The following TMEM204 variants were observed in gnomAD, a reference collection of about 807,000 sequenced individuals.
TMEM204 encodes the protein transmembrane protein 204, also known as claudin-like protein 24.
In TMEM204, 15 loss-of-function variants were observed where a neutral mutation model predicts 19.4. The observed-to-expected ratio is 0.77, with a 90% CI of 0.52 to 1.19. The LOEUF (loss-of-function observed/expected upper bound fraction) is 1.19. Among genes scored for constraint, TMEM204 ranks in the 50% most tolerant of loss-of-function variants. The probability of loss-of-function intolerance (pLI) is 0.00; values close to 1 mark genes in which losing one functional copy is unlikely to be tolerated. For synonymous variants in TMEM204, 161 were observed against 146.0 expected, an observed-to-expected ratio of 1.10 and a Z score of -0.74; for missense variants, 287 against 321.2, an observed-to-expected ratio of 0.89 and a Z score of 0.81.
At chr16:1,539,623 ACT>A (rs2031431524) in intron 1 of TMEM204, among the ~76,000 whole-genome samples, 1 of 152,142 alleles carries the variant, frequency 6.6e-6, no homozygotes, top group East Asian at 1.9e-4. Flanking sequence ...ATGGTTTCTA[ACT>A]CTGCAGTTAC....
intron 2 of TMEM204, among the ~76,000 whole-genome samples, chr16:1,552,648 C>G (rs1596351577): frequency 7.8e-6 from 1 of 127,586 alleles, no homozygotes; most frequent in Non-Finnish European, 1.6e-5. Context: ...AAAGAGAATG[C>G]TTTTTTTTTT....
Position 1,541,954 on chromosome 16 carries a change from T to C in TMEM204, c.314T>C (p.Val105Ala). The change falls in exon 2 of 3, where the codon GTG (valine) becomes GCG (alanine). Residue 105 changes from valine (V) to alanine (A), a missense_variant. Transcript: ENST00000566264. ...GACATGATGCGCGCCTGCAACCTGG[T>C]GGCCACGGCCGCGCTCACCGCAGGC... is the stretch of plus-strand genomic sequence containing the variant. ...QFDMMRACNL[V>A]ATAALTAGQL... The C allele has an allele frequency of 6.2e-7, 1 of 1,608,850 alleles. No individual in the cohort carries two copies. Among genetic ancestry groups the C allele is most frequent in the Non-Finnish European group, 8.5e-7 (1 of 1,178,568 alleles).
chr16:1,541,518 G>A, intron 1 of TMEM204: 1 of 985,164 alleles, frequency 1.0e-6, no homozygotes, highest in Non-Finnish European at 1.2e-6. Context: ...CGTCTTGGAT[G>A]CTGTGAATTC....
chr16:1,537,340 G>A (rs1296200364), intron 1 of TMEM204, among the ~76,000 whole-genome samples: 2 of 152,238 alleles, frequency 1.3e-5, no homozygotes, highest in Admixed American at 6.5e-5. Flanking sequence ...TGTGCCCTGA[G>A]GCCCTGCCCC....
chr16:1,536,760 T>C (rs1199443064), intron 1 of TMEM204, among the ~76,000 whole-genome samples: 2 of 152,162 alleles, frequency 1.3e-5, no homozygotes, highest in Non-Finnish European at 2.9e-5. Context: ...CGCCTTCTCC[T>C]TCACCGACGT....
At chr16:1,539,072 A>G (rs1697114294) in intron 1 of TMEM204, among the ~76,000 whole-genome samples, 2 of 149,890 alleles carry the variant, frequency 1.3e-5, no homozygotes, top group Admixed American at 1.3e-4. Flanking sequence ...AGGCCTCAGC[A>G]AGCTGCACAG....
rs1464344264 is a variant in TMEM204, at chr16:1,551,802, G to A, written c.437-2980G>A. On this transcript the variant is annotated intron_variant, in intron 2 of 2. Coordinates refer to ENST00000566264, the MANE Select transcript of TMEM204 (RefSeq NM_024600.6). The surrounding 1 kb of genome is among the most constrained non-coding windows in gnomAD (Gnocchi z 4.0). ...GCAGATCCGGCAAGATCAACTCTGCGGGACCTCCCACCCGGGCTGGTTGCC... is the reference window on the plus strand; with the variant it reads ...GCAGATCCGGCAAGATCAACTCTGCAGGACCTCCCACCCGGGCTGGTTGCC... 6.6e-6 allele frequency among the ~76,000 whole-genome samples: 1 copy of A among 152,156 alleles called. No homozygotes were observed. The highest frequency in any genetic ancestry group is 1.5e-5 in the Non-Finnish European group (1 of 68,036).
intron 1 of TMEM204, chr16:1,541,166 G>C (rs537497349): frequency 4.1e-6 from 4 of 985,444 alleles, no homozygotes; most frequent in Admixed American, 1.2e-4. Context: ...ACCAGGTGTA[G>C]GTGGGGGACA....
At chr16:1,545,599 C>T (rs56342298) in intron 2 of TMEM204, among the ~76,000 whole-genome samples, 11,678 of 152,168 alleles carry the variant, frequency 0.077, 536 homozygotes, top group African/African-American at 0.12. Context: ...GACAAGGAAA[C>T]GCCTGCTATT....
chr16:1,551,844 T>A lies in TMEM204; in HGVS notation c.437-2938T>A, dbSNP rs947111464. Among the ~76,000 whole-genome samples the A allele has an allele frequency of 5.3e-5, 8 of 151,826 alleles. No individual in the cohort carries two copies. The highest frequency in any genetic ancestry group is 1.9e-4 in the African/African-American group (8 of 41,332). On this transcript the variant is annotated intron_variant, in intron 2 of 2. Coordinates refer to ENST00000566264, the MANE Select transcript of TMEM204 (RefSeq NM_024600.6). The surrounding 1 kb of genome is among the most constrained non-coding windows in gnomAD (Gnocchi z 4.0). ...CTGGTTGCCCTGTGTTGCCTTAGAG[T>A]TTTCTTCCCGAGGTTTTCCTAGAAA...
chr16:1,542,050 C>A lies in TMEM204; in HGVS notation c.410C>A (p.Ala137Asp). Residue 137 changes from alanine to aspartate, a missense_variant, in exon 2 of 3, where the codon GCC becomes GAC. Physicochemically the swap from Ala to Asp is moderately radical, Grantham distance 126 (BLOSUM62 -2). Coordinates refer to ENST00000566264, the MANE Select transcript of TMEM204 (RefSeq NM_024600.6). Reference protein sequence around the residue: ...LSPDAPCWEEAMAAAFQLASF... With the variant: ...LSPDAPCWEEDMAAAFQLASF... ...CCCGACGCCCCGTGCTGGGAGGAGG[C>A]CATGGCCGCTGCATTCCAACTGGCG... is the stretch of plus-strand genomic sequence containing the variant. 6.2e-7 allele frequency: 1 copy of A among 1,609,782 alleles called. No homozygotes were observed. Among genetic ancestry groups the A allele is most frequent in the Non-Finnish European group, 8.5e-7 (1 of 1,178,816 alleles).
intron 2 of TMEM204, among the ~76,000 whole-genome samples, chr16:1,552,083 C>T (rs2032694103): frequency 6.6e-6 from 1 of 152,190 alleles, no homozygotes; most frequent in African/African-American, 2.4e-5. Flanking sequence ...TCCCTTTCCA[C>T]TGTTCCATTC....
rs2032858984 is a variant in TMEM204, at chr16:1,553,647, A to C, written c.437-1135A>C. 24 of 864,576 alleles carry C rather than the reference A, an allele frequency of 2.8e-5. No homozygotes were observed. Among genetic ancestry groups the C allele is most frequent in the Non-Finnish European group, 3.3e-5 (23 of 698,056 alleles). 53.6% of individuals were successfully genotyped at this position (864,576 alleles called of 1,614,324 possible). On this transcript the variant is annotated intron_variant, in intron 2 of 2. Coordinates refer to ENST00000566264, the MANE Select transcript of TMEM204 (RefSeq NM_024600.6). The surrounding 1 kb of genome is among the most constrained non-coding windows in gnomAD (Gnocchi z 4.4). ...ACTCAGGTTACTGTAACAGAGAGGG[A>C]GGGGTGCTGGGTGGGCAGAAGCGGG...
At chr16:1,530,214 C>G (rs1334975818), upstream of TMEM204, among the ~76,000 whole-genome samples, 1 of 144,624 alleles carries the variant, frequency 6.9e-6, no homozygotes, top group Non-Finnish European at 1.5e-5. Flanking sequence ...TCTTGGCTCA[C>G]TGCAACCTCT....
At chr16:1,530,131 A>ATTTTTTTTTTTTTTTTT (rs2030295926), upstream of TMEM204, among the ~76,000 whole-genome samples, 13 of 126,526 alleles carry the variant, frequency 1.0e-4, no homozygotes, top group African/African-American at 2.2e-4. Flanking sequence ...CACGACGGGA[A>ATTTTTTTTTTTTTTTTT]TCTTTTTTTT....
intron 2 of TMEM204, among the ~76,000 whole-genome samples, chr16:1,549,620 T>A (rs1217314245): frequency 6.6e-6 from 1 of 152,008 alleles, no homozygotes; most frequent in Admixed American, 6.6e-5. Context: ...TTAGTAGAGA[T>A]GGGGTTTCCC....
chr16:1,543,172 C>T (rs1211371605), intron 2 of TMEM204, among the ~76,000 whole-genome samples: 1 of 152,252 alleles, frequency 6.6e-6, no homozygotes, highest in East Asian at 1.9e-4. Flanking sequence ...TGAGCATGAC[C>T]AGCACGGAGC....
At position 1,534,334 on chromosome 16, in the gene TMEM204, TCAA is replaced by T; in HGVS notation, c.64_66del (p.Asn22del). ...CTGGTGGCCCTGGTCTCACTCATCC[TCAA>T]CAACGTGGCGGCCTTCACCTCCAAC... On this transcript the variant is annotated inframe_deletion, in exon 1 of 3. Transcript: ENST00000566264. 1 of 1,612,828 alleles carries T rather than the reference TCAA, an allele frequency of 6.2e-7. No homozygotes were observed. Among genetic ancestry groups the T allele is most frequent in the Non-Finnish European group, 8.5e-7 (1 of 1,179,892 alleles).
chr16:1,530,151 T>G (rs1374167234), upstream of TMEM204, among the ~76,000 whole-genome samples: 5 of 143,572 alleles, frequency 3.5e-5, no homozygotes, highest in Non-Finnish European at 7.6e-5. Context: ...TTTTTTTTTT[T>G]TTTTTTGAGA....
Sources: gnomAD v4.1 joint callset for allele counts (sites outside exome capture counted in the v4.1 genomes callset) on GRCh38, gnomAD v4.1.1 for gene constraint, Gnocchi (gnomAD v3.1) non-coding constraint, MANE v1.5 for transcripts, NCBI Gene and HGNC (gene_info 2026-07-23, HGNC 2026-07-21) for gene names.